Variants in SPECC1 observed in about 807,000 individuals in gnomAD.
The protein encoded by SPECC1 is sperm antigen with calponin homology and coiled-coil domains 1.
In SPECC1, 62 loss-of-function variants were observed where a neutral mutation model predicts 104.1. The ratio of observed to expected loss-of-function variants is 0.60; its 90% confidence interval spans 0.49 to 0.74. The LOEUF (loss-of-function observed/expected upper bound fraction) is 0.74, where lower values mean the gene tolerates loss of function less well. Among genes scored for constraint, SPECC1 ranks in the 30% least tolerant of loss-of-function variants. The pLI, the probability that SPECC1 is intolerant of heterozygous loss-of-function variation, is 0.00. For synonymous variants in SPECC1, 513 were observed against 501.6 expected, an observed-to-expected ratio of 1.02 and a Z score of -0.30; for missense variants, 1,306 against 1,310.5, an observed-to-expected ratio of 1.00 and a Z score of 0.05.
chr17:20,028,161 T>C (rs77965352), intron 1 of SPECC1, among the ~76,000 whole-genome samples: 2,418 of 152,276 alleles, frequency 0.016, 59 homozygotes, highest in African/African-American at 0.055. Flanking sequence ...CCAGACCTAT[T>C]TGTTGAAAAG....
intron 1 of SPECC1, among the ~76,000 whole-genome samples, chr17:20,047,671 C>T (rs2045590514): frequency 6.6e-6 from 1 of 151,844 alleles, no homozygotes; most frequent in Admixed American, 6.6e-5. Flanking sequence ...GATCTCGGCT[C>T]ACTGCAAGCT....
chr17:20,059,083 G>A (rs922910967), intron 1 of SPECC1, among the ~76,000 whole-genome samples: 4 of 151,572 alleles, frequency 2.6e-5, no homozygotes, highest in Admixed American at 1.3e-4. Flanking sequence ...CTCGTGATCC[G>A]CCTGCCTTGG....
intron 3 of SPECC1, among the ~76,000 whole-genome samples, chr17:20,129,212 G>A (rs2035308824): frequency 6.9e-6 from 1 of 144,178 alleles, no homozygotes; most frequent in African/African-American, 2.6e-5. Flanking sequence ...TTGAGACGGA[G>A]TCTCACTCTA....
chr17:20,183,890 A>C (rs12940385), intron 3 of SPECC1, among the ~76,000 whole-genome samples: 8 of 151,992 alleles, frequency 5.3e-5, no homozygotes, highest in Non-Finnish European at 1.0e-4. Context: ...AATGATGTCA[A>C]CCGGGCGTGG....
intron 1 of SPECC1, among the ~76,000 whole-genome samples, chr17:20,016,536 G>A (rs1053751805): frequency 4.6e-5 from 7 of 152,238 alleles, no homozygotes; most frequent in African/African-American, 1.4e-4. Context: ...GGTGGGCGTG[G>A]GCTTGGCGGG....
chr17:20,150,867 C>CT (rs2031943700), intron 3 of SPECC1, among the ~76,000 whole-genome samples: 1 of 151,840 alleles, frequency 6.6e-6, no homozygotes, highest in African/African-American at 2.4e-5. Flanking sequence ...TAATAATTTG[C>CT]TATATACATG....
intron 1 of SPECC1, among the ~76,000 whole-genome samples, chr17:20,027,763 GTT>G (rs2044652080): frequency 6.6e-6 from 1 of 152,174 alleles, no homozygotes; most frequent in Non-Finnish European, 1.5e-5. Context: ...CTATGTGTCT[GTT>G]TTTCTACTAG....
At chr17:20,093,136 T>C (rs927657649) in intron 1 of SPECC1, among the ~76,000 whole-genome samples, 2 of 152,338 alleles carry the variant, frequency 1.3e-5, no homozygotes, top group East Asian at 1.9e-4. Context: ...GGGTGACTTA[T>C]AAGCAACAGA....
chr17:20,045,437 G>A (rs2045501605), intron 1 of SPECC1, among the ~76,000 whole-genome samples: 1 of 152,174 alleles, frequency 6.6e-6, no homozygotes, highest in Admixed American at 6.5e-5. Context: ...ATATCTAAGA[G>A]TGGAATTACT....
At chr17:20,207,402 T>C (rs897081277) in intron 4 of SPECC1, among the ~76,000 whole-genome samples, 2 of 152,172 alleles carry the variant, frequency 1.3e-5, no homozygotes, top group Non-Finnish European at 2.9e-5. Context: ...TGGCATTGGG[T>C]TTTAATATCT....
intron 1 of SPECC1, among the ~76,000 whole-genome samples, chr17:20,018,297 C>T (rs938825344): frequency 6.6e-6 from 1 of 152,186 alleles, no homozygotes; most frequent in Admixed American, 6.5e-5. Context: ...TGGCCATCGG[C>T]ACTCTTGTTT....
At chr17:20,114,317 G>C (rs988238481) in intron 3 of SPECC1, among the ~76,000 whole-genome samples, 1 of 151,876 alleles carries the variant, frequency 6.6e-6, no homozygotes, top group Non-Finnish European at 1.5e-5. Context: ...TCAGCCTCTC[G>C]AGTAGCTGGG....
At chr17:20,034,665 G>A (rs1380899667) in intron 1 of SPECC1, among the ~76,000 whole-genome samples, 1 of 149,292 alleles carries the variant, frequency 6.7e-6, no homozygotes, top group South Asian at 2.1e-4. Context: ...GAGTGCAATG[G>A]TGTGATCTTG....
intron 12 of SPECC1, among the ~76,000 whole-genome samples, chr17:20,261,240 C>T (rs753642999): frequency 5.9e-5 from 9 of 151,988 alleles, no homozygotes; most frequent in Non-Finnish European, 1.0e-4. Context: ...CAGTGGCTCA[C>T]GCCTGTAATC....
At chr17:20,301,120 C>A (rs1442306275) in intron 13 of SPECC1, among the ~76,000 whole-genome samples, 1 of 152,100 alleles carries the variant, frequency 6.6e-6, no homozygotes, top group African/African-American at 2.4e-5. Flanking sequence ...TGCTGGCGTT[C>A]TTTTTGGTGA....
Position 20,297,097 on chromosome 17 carries a change from C to T in SPECC1, c.3057+20C>T. Reference sequence around the variant, plus strand: ...GAGAAAGTAAGTCATGGCCCTGTCACCTTGGTTATCCTCTAAGAAATGCAG... The same window carrying T: ...GAGAAAGTAAGTCATGGCCCTGTCATCTTGGTTATCCTCTAAGAAATGCAG... On this transcript the variant is annotated intron_variant, in intron 13 of 14. Transcript: ENST00000395527. 1 of 1,601,620 alleles carries T rather than the reference C, an allele frequency of 6.2e-7. No homozygotes were observed. Among genetic ancestry groups the T allele is most frequent in the Non-Finnish European group, 8.5e-7 (1 of 1,169,738 alleles).
intron 4 of SPECC1, among the ~76,000 whole-genome samples, chr17:20,216,486 A>G (rs950032869): frequency 1.3e-5 from 2 of 151,640 alleles, no homozygotes; most frequent in Non-Finnish European, 2.9e-5. Flanking sequence ...CTGAGACTTT[A>G]TTTTCCTTTA....
intron 3 of SPECC1, among the ~76,000 whole-genome samples, chr17:20,188,887 C>T (rs2526458): frequency 0.71 from 107,687 of 152,028 alleles, 39,934 homozygotes; most frequent in East Asian, 0.99. Context: ...TAGAAATAAA[C>T]AGGATTTTGC....
chr17:20,041,936 A>C (rs1321688447), intron 1 of SPECC1, among the ~76,000 whole-genome samples: 1 of 152,114 alleles, frequency 6.6e-6, no homozygotes, highest in East Asian at 1.9e-4. Context: ...GTTGAGGCTT[A>C]TGATATGTGC....
Sources: allele counts gnomAD v4.1 joint callset (sites outside exome capture counted in the v4.1 genomes callset), GRCh38; gene constraint gnomAD v4.1.1; transcripts MANE v1.5; gene names NCBI Gene and HGNC (gene_info 2026-07-23, HGNC 2026-07-21).